The following SGCD variants were observed in gnomAD, a reference collection of about 807,000 sequenced individuals.
SGCD encodes delta-sarcoglycan.
A neutral mutation model predicts 36.6 loss-of-function variants in SGCD; 18 were observed. The ratio of observed to expected loss-of-function variants is 0.49; its 90% CI spans 0.34 to 0.73. The LOEUF is 0.73. Among genes scored for constraint, SGCD ranks in the 30% least tolerant of loss-of-function variants. The pLI is 0.01. For synonymous variants in SGCD, 133 were observed against 130.6 expected, an observed-to-expected ratio of 1.02 and a Z score of -0.12; for missense variants, 387 against 346.7, an observed-to-expected ratio of 1.12 and a Z score of -0.92.
intron 3 of SGCD, among the ~76,000 whole-genome samples, chr5:156,191,560 T>C (rs201740246): frequency 6.6e-6 from 1 of 151,256 alleles, no homozygotes; most frequent in Non-Finnish European, 1.5e-5. Flanking sequence ...TCTAGTTCTT[T>C]CTTTGTTGCT....
chr5:156,040,246 G>A (rs1261822398), intron 1 of SGCD, among the ~76,000 whole-genome samples: 1 of 152,152 alleles, frequency 6.6e-6, no homozygotes, highest in African/African-American at 2.4e-5. Context: ...ATTGTATGTA[G>A]CACTACTGTG....
rs1178205066 is a variant in SGCD, at chr5:155,888,147, C to T, written c.-282+17723C>T. 2.0e-5 allele frequency among the ~76,000 whole-genome samples: 3 copies of T among 152,202 alleles called. No homozygotes were observed. In the East Asian group the frequency reaches 5.8e-4, roughly 29 times the overall value. On this transcript the variant is annotated intron_variant, in intron 1 of 9. Transcript: ENST00000517913. ...ATCAATTCCCTTCTCCCTATCCCAG[C>T]TTCTACAAATCTCTCTTCTGATCTT...
chr5:156,069,112 A>C (rs1277665815), intron 1 of SGCD, among the ~76,000 whole-genome samples: 3 of 152,056 alleles, frequency 2.0e-5, no homozygotes, highest in African/African-American at 7.3e-5. Context: ...TGCTGTGCAG[A>C]AGCTATTTAG....
intron 3 of SGCD, among the ~76,000 whole-genome samples, chr5:156,374,298 G>C (rs972954909): frequency 3.9e-5 from 6 of 152,120 alleles, no homozygotes; most frequent in African/African-American, 1.4e-4. Flanking sequence ...CTCATGCCTG[G>C]CTTGATCACA....
chr5:156,111,748 T>G (rs1581105171), intron 1 of SGCD, among the ~76,000 whole-genome samples: 1 of 152,110 alleles, frequency 6.6e-6, no homozygotes, highest in African/African-American at 2.4e-5. Flanking sequence ...GTCACCTTAG[T>G]TTCATTTGTT....
chr5:156,389,874 T>C (rs770792495), intron 3 of SGCD, among the ~76,000 whole-genome samples: 7 of 150,170 alleles, frequency 4.7e-5, no homozygotes, highest in Non-Finnish European at 1.0e-4. Flanking sequence ...GTTGTATGAC[T>C]AAATAATAGT....
At chr5:156,728,302 T>C (rs1681201270) in intron 7 of SGCD, among the ~76,000 whole-genome samples, 1 of 151,898 alleles carries the variant, frequency 6.6e-6, no homozygotes, top group African/African-American at 2.4e-5. Flanking sequence ...AAAAAGTTAC[T>C]GCATGAGGTA....
At chr5:156,252,698 A>G in intron 3 of SGCD, among the ~76,000 whole-genome samples, 1 of 152,218 alleles carries the variant, frequency 6.6e-6, no homozygotes, top group East Asian at 1.9e-4. Context: ...GCAAGCAGGG[A>G]ATTTCTTTGA....
At chr5:156,489,054 C>T (rs1755825309) in intron 3 of SGCD, among the ~76,000 whole-genome samples, 1 of 151,852 alleles carries the variant, frequency 6.6e-6, no homozygotes, top group South Asian at 2.1e-4. Context: ...CAAATGGAAA[C>T]CAAAAGAAGC....
At chr5:156,036,212 G>T (rs566634765) in intron 1 of SGCD, among the ~76,000 whole-genome samples, 90 of 152,264 alleles carry the variant, frequency 5.9e-4, no homozygotes, top group African/African-American at 2.1e-3. Flanking sequence ...ACCAAAATTT[G>T]CAGTGAGAGG....
At chr5:156,007,095 A>T (rs569973814) in intron 1 of SGCD, among the ~76,000 whole-genome samples, 1 of 152,300 alleles carries the variant, frequency 6.6e-6, no homozygotes, top group East Asian at 1.9e-4. Flanking sequence ...TACCCCTGCT[A>T]CTTCCCTGGT....
At chr5:156,355,226 C>T (rs569522082) in intron 3 of SGCD, among the ~76,000 whole-genome samples, 1 of 152,220 alleles carries the variant, frequency 6.6e-6, no homozygotes, top group South Asian at 2.1e-4. Flanking sequence ...TTCTTTGTGC[C>T]TCACCATACA....
At chr5:155,976,241 A>G (rs1338882532) in intron 1 of SGCD, among the ~76,000 whole-genome samples, 1 of 152,212 alleles carries the variant, frequency 6.6e-6, no homozygotes, top group African/African-American at 2.4e-5. Flanking sequence ...CTCTATAAAA[A>G]TAGGTCTGAA....
At chr5:156,444,671 G>A (rs751105769) in intron 3 of SGCD, among the ~76,000 whole-genome samples, 1 of 152,030 alleles carries the variant, frequency 6.6e-6, no homozygotes, top group Non-Finnish European at 1.5e-5. Flanking sequence ...GTTCTGTCCT[G>A]AAACTACCAT....
chr5:155,932,675 C>T (rs1224918198), intron 1 of SGCD, among the ~76,000 whole-genome samples: 1 of 152,176 alleles, frequency 6.6e-6, no homozygotes, highest in Non-Finnish European at 1.5e-5. Context: ...TGTGATGAGA[C>T]ATTTTGCTGA....
chr5:156,620,766 G>T (rs140891879), intron 6 of SGCD, among the ~76,000 whole-genome samples: 2 of 152,290 alleles, frequency 1.3e-5, no homozygotes, highest in African/African-American at 4.8e-5. Flanking sequence ...GGAAGAGACT[G>T]TCATGTATCA....
chr5:156,056,080 C>G (rs1760049000), intron 1 of SGCD, among the ~76,000 whole-genome samples: 1 of 146,384 alleles, frequency 6.8e-6, no homozygotes, highest in Admixed American at 6.8e-5. Flanking sequence ...AGATGCTGCT[C>G]TTAGTCCAGT....
At chr5:156,524,094 C>CTATATATATA (rs60414987) in intron 4 of SGCD, among the ~76,000 whole-genome samples, 4 of 40,556 alleles carry the variant, frequency 9.9e-5, no homozygotes, top group Non-Finnish European at 1.3e-4. Context: ...TGAGGTCTTA[C>CTATATATATA]TATATATATA....
At chr5:156,522,901 T>C (rs1757474618) in intron 4 of SGCD, among the ~76,000 whole-genome samples, 2 of 152,190 alleles carry the variant, frequency 1.3e-5, no homozygotes, top group African/African-American at 4.8e-5. Context: ...GAAATATCTG[T>C]ACACTTTTTG....
Sources: gnomAD v4.1 joint callset for allele counts (sites outside exome capture counted in the v4.1 genomes callset) on GRCh38, gnomAD v4.1.1 for gene constraint, MANE v1.5 for transcripts, NCBI Gene and HGNC (gene_info 2026-07-23, HGNC 2026-07-21) for gene names.